The following KHDRBS2 variants were observed in gnomAD, a reference collection of about 807,000 sequenced individuals.
The protein encoded by KHDRBS2 is KH domain-containing, RNA-binding, signal transduction-associated protein 2.
Under a neutral mutation model 44.3 loss-of-function variants are expected in KHDRBS2, and 26 were observed. The ratio of observed to expected loss-of-function variants is 0.59; its 90% CI spans 0.43 to 0.81. The LOEUF is 0.81. Ranked by LOEUF, KHDRBS2 falls within the 40% of genes least tolerant of loss-of-function variation. The probability of loss-of-function intolerance (pLI) is 0.00; values close to 1 mark genes in which losing one functional copy is unlikely to be tolerated. For synonymous variants in KHDRBS2, 194 were observed against 151.1 expected (o/e 1.28, Z -2.08); for missense variants, 476 against 433.1 (o/e 1.10, Z -0.88).
chr6:62,121,200 TG>T (rs1415471527), intron 2 of KHDRBS2, among the ~76,000 whole-genome samples: 1 of 152,154 alleles, frequency 6.6e-6, no homozygotes, highest in East Asian at 1.9e-4. Context: ...GCTCCCTGAC[TG>T]GTAGGATGAG....
the KHDRBS2 span, among the ~76,000 whole-genome samples, chr6:61,647,898 T>G: frequency 2.0e-5 from 3 of 152,140 alleles, no homozygotes; most frequent in Non-Finnish European, 4.4e-5. Flanking sequence ...TAGTTTTGGT[T>G]TTCAATGGCC....
At chr6:61,800,230 T>G (rs1260499666) in intron 6 of KHDRBS2, among the ~76,000 whole-genome samples, 1 of 152,144 alleles carries the variant, frequency 6.6e-6, no homozygotes, top group African/African-American at 2.4e-5. Context: ...AGAACTAAAT[T>G]TTATATTTTT....
At chr6:62,123,016 C>G (rs1053303277) in intron 2 of KHDRBS2, among the ~76,000 whole-genome samples, 2 of 152,042 alleles carry the variant, frequency 1.3e-5, no homozygotes, top group African/African-American at 4.8e-5. Flanking sequence ...TTGAGATTTA[C>G]ATTAAGTGTT....
intron 4 of KHDRBS2, among the ~76,000 whole-genome samples, chr6:61,919,325 C>T (rs895757481): frequency 6.6e-6 from 1 of 151,704 alleles, no homozygotes; most frequent in East Asian, 1.9e-4. Flanking sequence ...AAAGGGTTAG[C>T]AAAGCAGTAG....
intron 2 of KHDRBS2, among the ~76,000 whole-genome samples, chr6:62,073,306 C>G (rs1418704629): frequency 6.6e-6 from 1 of 151,264 alleles, no homozygotes; most frequent in Non-Finnish European, 1.5e-5. Context: ...ATATTTTTAA[C>G]AACTTTTCAT....
the KHDRBS2 span, among the ~76,000 whole-genome samples, chr6:61,565,924 A>G: frequency 6.6e-6 from 1 of 152,108 alleles, no homozygotes; most frequent in African/African-American, 2.4e-5. Context: ...TGTTTATTGC[A>G]GCACTATACA....
chr6:61,754,677 A>G (rs1778229153), intron 6 of KHDRBS2, among the ~76,000 whole-genome samples: 1 of 151,358 alleles, frequency 6.6e-6, no homozygotes, highest in Admixed American at 6.6e-5. Context: ...AAGATTCAGT[A>G]TAGTGTGTGG....
At chr6:61,699,123 G>A (rs1460378436) in intron 7 of KHDRBS2, among the ~76,000 whole-genome samples, 1 of 151,942 alleles carries the variant, frequency 6.6e-6, no homozygotes, top group Non-Finnish European at 1.5e-5. Context: ...GTTGTTCCAA[G>A]CAGATTTTCT....
intron 2 of KHDRBS2, among the ~76,000 whole-genome samples, chr6:62,088,849 C>T (rs1413633416): frequency 9.9e-5 from 15 of 152,108 alleles, no homozygotes; most frequent in African/African-American, 3.1e-4. Flanking sequence ...TGCTCTGTCC[C>T]GGGTAGATGG....
At chr6:62,132,060 T>A (rs1405723627) in intron 2 of KHDRBS2, among the ~76,000 whole-genome samples, 1 of 152,174 alleles carries the variant, frequency 6.6e-6, no homozygotes, top group Non-Finnish European at 1.5e-5. Context: ...TTGGTAAATA[T>A]CTTACACTTT....
At chr6:62,138,294 T>C (rs921898498) in intron 2 of KHDRBS2, among the ~76,000 whole-genome samples, 2 of 152,246 alleles carry the variant, frequency 1.3e-5, no homozygotes, top group African/African-American at 4.8e-5. Context: ...GCTGTGCCCT[T>C]GAAATGCATT....
chr6:62,185,731 T>C (rs993160583), intron 1 of KHDRBS2, among the ~76,000 whole-genome samples: 2 of 151,938 alleles, frequency 1.3e-5, no homozygotes, highest in Admixed American at 6.6e-5. Flanking sequence ...CTAAACCCAC[T>C]AAAATTCTGA....
chr6:61,656,194 A>G, the KHDRBS2 span, among the ~76,000 whole-genome samples: 2 of 152,070 alleles, frequency 1.3e-5, no homozygotes, highest in Non-Finnish European at 2.9e-5. Context: ...AACAAGGAAA[A>G]TAACACTGAA....
chr6:61,681,133 A>G, intron 8 of KHDRBS2, 73 bp from the exon 9 acceptor site: 1 of 1,007,214 alleles, frequency 9.9e-7, no homozygotes, highest in South Asian at 1.3e-5. Flanking sequence ...AAGACACAAT[A>G]GTTGACCGAG....
chr6:62,163,748 G>C (rs1317917858), intron 2 of KHDRBS2, among the ~76,000 whole-genome samples: 2 of 151,876 alleles, frequency 1.3e-5, no homozygotes, highest in Non-Finnish European at 2.9e-5. Flanking sequence ...TAATATATTG[G>C]GGGGCTTTAG....
At chr6:61,659,804 T>C in the KHDRBS2 span, among the ~76,000 whole-genome samples, 1 of 151,754 alleles carries the variant, frequency 6.6e-6, no homozygotes, top group South Asian at 2.1e-4. Context: ...GCACACGATG[T>C]TATAAAGTCA....
At chr6:61,917,623 A>G (rs1807263281) in intron 4 of KHDRBS2, among the ~76,000 whole-genome samples, 1 of 151,928 alleles carries the variant, frequency 6.6e-6, no homozygotes, top group Admixed American at 6.6e-5. Flanking sequence ...ATAAGCCCTA[A>G]TGTAAACTAT....
chr6:61,566,250 C>T, the KHDRBS2 span, among the ~76,000 whole-genome samples: 1,254 of 151,786 alleles, frequency 8.3e-3, 10 homozygotes, highest in Non-Finnish European at 0.013. Flanking sequence ...AGTGGGGAGG[C>T]GAGGATAAAG....
chr6:62,048,987 CTT>C (rs1383314381), intron 2 of KHDRBS2, among the ~76,000 whole-genome samples: 1 of 151,442 alleles, frequency 6.6e-6, no homozygotes, highest in Non-Finnish European at 1.5e-5. Flanking sequence ...CTTCTCTTCT[CTT>C]CTCTTTTTTC....
Sources: allele counts gnomAD v4.1 joint callset (sites outside exome capture counted in the v4.1 genomes callset), GRCh38; gene constraint gnomAD v4.1.1; transcripts MANE v1.5; gene names NCBI Gene and HGNC (gene_info 2026-07-23, HGNC 2026-07-21).